Variants in TRIP11 observed in about 807,000 individuals in gnomAD.
TRIP11 encodes thyroid hormone receptor interactor 11.
TRIP11 carries 148 observed loss-of-function variants against 223.1 expected under a neutral mutation model. The observed-to-expected ratio is 0.66, with a 90% CI of 0.58 to 0.76. The LOEUF (loss-of-function observed/expected upper bound fraction) is 0.76, where lower values mean the gene tolerates loss of function less well. Among genes scored for constraint, TRIP11 ranks in the 30% least tolerant of loss-of-function variants. The pLI, the probability that TRIP11 is intolerant of heterozygous loss-of-function variation, is 0.00. For missense variants in TRIP11, 2,043 were observed against 2,222.0 expected, an observed-to-expected ratio of 0.92 and a Z score of 1.62; for synonymous variants, 762 against 772.6, an observed-to-expected ratio of 0.99 and a Z score of 0.23.
chr14:92,038,133 A>G (rs1471201467), intron 1 of TRIP11, among the ~76,000 whole-genome samples: 1 of 152,182 alleles, frequency 6.6e-6, no homozygotes, highest in Non-Finnish European at 1.5e-5. Context: ...AAAAGACATA[A>G]AACAAGGACA....
At chr14:92,033,079 A>G in intron 2 of TRIP11, 113 bp downstream of exon 2, 1 of 780,084 alleles carries the variant, frequency 1.3e-6, no homozygotes, top group Non-Finnish European at 2.2e-6. Flanking sequence ...ATTAAACAAG[A>G]AGAGAAAAAA....
intron 15 of TRIP11, among the ~76,000 whole-genome samples, chr14:91,991,200 G>C (rs2056667553): frequency 6.6e-6 from 1 of 152,136 alleles, no homozygotes; most frequent in Admixed American, 6.5e-5. Flanking sequence ...TCATAATCAA[G>C]GAAGTAGGTT....
intron 6 of TRIP11, among the ~76,000 whole-genome samples, chr14:92,015,205 C>T (rs1322918804): frequency 6.6e-6 from 1 of 152,110 alleles, no homozygotes; most frequent in Non-Finnish European, 1.5e-5. Context: ...CTCCCGGCCA[C>T]AGAATCTTAA....
At chr14:92,026,588 C>A (rs1204034130) in intron 2 of TRIP11, 12 of 1,282,506 alleles carry the variant, frequency 9.4e-6, no homozygotes, top group African/African-American at 1.5e-5. Context: ...GCCGTGGACA[C>A]CAGCTCCGAA....
chr14:92,035,950 T>C (rs2057321535), intron 1 of TRIP11, among the ~76,000 whole-genome samples: 1 of 152,148 alleles, frequency 6.6e-6, no homozygotes, highest in South Asian at 2.1e-4. Flanking sequence ...TCAAAACCCA[T>C]CCTGGGCCAC....
Position 92,003,812 on chromosome 14 carries a change from GTGTT to G in TRIP11, c.4160_4163del (p.Glu1387AlafsTer11). ...GCTTGATTTCTGAATCGGTTTGTTC[GTGTT>G]CTTTTCTTTCTAGCTCTGAGGTGGC... On this transcript the variant is annotated frameshift_variant, in exon 11 of 21. Coordinates refer to ENST00000267622, the MANE Select transcript of TRIP11 (RefSeq NM_004239.4). LOFTEE classifies it high-confidence loss of function. 1.9e-6 allele frequency: 3 copies of G among 1,614,066 alleles called. No homozygotes were observed. Among genetic ancestry groups the G allele is most frequent in the Non-Finnish European group, 2.5e-6 (3 of 1,180,022 alleles).
intron 13 of TRIP11, among the ~76,000 whole-genome samples, chr14:91,996,319 G>T (rs1391417919): frequency 1.3e-5 from 2 of 152,212 alleles, no homozygotes; most frequent in African/African-American, 2.4e-5. Context: ...CTGTGAAAGT[G>T]ACTTTGAACA....
intron 15 of TRIP11, among the ~76,000 whole-genome samples, chr14:91,992,892 GA>G (rs1214096302): frequency 9.4e-6 from 1 of 106,732 alleles, no homozygotes; most frequent in Non-Finnish European, 1.7e-5. Context: ...ATGGGCAACA[GA>G]GCGAGACTCC....
chr14:91,974,395 T>G (rs74071674), intron 19 of TRIP11, among the ~76,000 whole-genome samples: 2 of 152,170 alleles, frequency 1.3e-5, no homozygotes, highest in African/African-American at 4.8e-5. Context: ...AGTTAATATT[T>G]TGAAAAATAA....
chr14:92,032,832 C>A (rs201345463), intron 2 of TRIP11, among the ~76,000 whole-genome samples: 4,684 of 72,306 alleles, frequency 0.065, 51 homozygotes, highest in South Asian at 0.15. Flanking sequence ...GACCCCGTTT[C>A]AAAAAAAAAA....
intron 5 of TRIP11, among the ~76,000 whole-genome samples, chr14:92,016,842 T>C (rs1156383840): frequency 6.6e-6 from 1 of 152,168 alleles, no homozygotes; most frequent in East Asian, 1.9e-4. Context: ...CCGGATTCTA[T>C]CCACTCTAGT....
chr14:92,004,918 T>C lies in TRIP11; in HGVS notation c.3058A>G (p.Arg1020Gly). 6.2e-7 allele frequency: 1 copy of C among 1,613,984 alleles called. No individual in the cohort carries two copies. The highest frequency in any genetic ancestry group is 1.1e-5 in the South Asian group (1 of 91,068). The change falls in exon 11 of 21, where the codon AGA becomes GGA. Residue 1020 changes from arginine (R) to glycine (G), a missense_variant. By Grantham distance (125) the Arg-to-Gly change is moderately radical (BLOSUM62 -2). Transcript: ENST00000267622. Reference protein sequence around the residue: ...KHDLSKAETERLVKGIKEREL... With the variant: ...KHDLSKAETEGLVKGIKEREL... Reference sequence around the variant, plus strand: ...CGCTCTTTTATTCCTTTCACTAATCTTTCCGTTTCAGCTTTAGATAAATCA... The same window carrying C: ...CGCTCTTTTATTCCTTTCACTAATCCTTCCGTTTCAGCTTTAGATAAATCA...
At chr14:92,026,468 G>A (rs552897358) in intron 2 of TRIP11, 24 of 747,846 alleles carry the variant, frequency 3.2e-5, no homozygotes, top group African/African-American at 1.4e-4. Flanking sequence ...TTCCTCGTCC[G>A]CCTCCTTGCT....
At chr14:91,988,475 T>C (rs942449893) in intron 15 of TRIP11, 92 bp from the exon 16 acceptor site, 7 of 1,123,868 alleles carry the variant, frequency 6.2e-6, no homozygotes, top group South Asian at 2.6e-5. Context: ...CCTCTACATT[T>C]CAGCTGGTGA....
chr14:91,966,415 A>G lies in TRIP11; in HGVS notation c.*3258T>C, dbSNP rs1297565093. 5.3e-6 allele frequency: 1 copy of G among 188,100 alleles called. No homozygotes were observed. The highest frequency in any genetic ancestry group is 1.1e-5 in the Non-Finnish European group (1 of 89,402). The allele number at this position is 188,100 out of a possible 1,614,324, so 11.7% of individuals were successfully genotyped here. A position where few individuals can be genotyped will look rare whatever the true frequency, so the allele number is the denominator to read the frequency against. ...TGTCTTGAATACTTCAATATGTGGA[A>G]AACTTCATTATCTTTAAATATCAGG... is the stretch of plus-strand genomic sequence containing the variant. On this transcript the variant is annotated 3_prime_UTR_variant, in exon 21 of 21. Coordinates refer to ENST00000267622, the MANE Select transcript of TRIP11 (RefSeq NM_004239.4).
chr14:91,977,249 C>A (rs1372090806), intron 16 of TRIP11: 1 of 453,422 alleles, frequency 2.2e-6, no homozygotes, highest in African/African-American at 2.0e-5. Flanking sequence ...TTGATGATAT[C>A]TTTTGAAACA....
Position 92,005,444 on chromosome 14 carries a change from T to TA in TRIP11, c.2531dup (p.Leu844PhefsTer20). On this transcript the variant is annotated frameshift_variant, in exon 11 of 21. Coordinates refer to ENST00000267622, the MANE Select transcript of TRIP11 (RefSeq NM_004239.4). LOFTEE classifies it high-confidence loss of function. ...GGTCTTTTTCCTCTATGGTCTGTCTTAAAATTTCATTTTTTCTTAAGGCCT... is the reference window on the plus strand; with the variant it reads ...GGTCTTTTTCCTCTATGGTCTGTCTTAAAAATTTCATTTTTTCTTAAGGCCT... 6.2e-7 allele frequency: 1 copy of TA among 1,614,134 alleles called. No individual in the cohort carries two copies. Among genetic ancestry groups the TA allele is most frequent in the Non-Finnish European group, 8.5e-7 (1 of 1,180,034 alleles).
chr14:92,008,731 A>G (rs961225407), intron 9 of TRIP11, among the ~76,000 whole-genome samples: 2 of 152,140 alleles, frequency 1.3e-5, no homozygotes, highest in African/African-American at 4.8e-5. Flanking sequence ...GCATGATGGC[A>G]TTTATCTATA....
At chr14:91,990,968 T>C (rs909905547) in intron 15 of TRIP11, among the ~76,000 whole-genome samples, 2 of 152,204 alleles carry the variant, frequency 1.3e-5, no homozygotes, top group African/African-American at 4.8e-5. Flanking sequence ...TCAATAAACA[T>C]ATTAAAAGAT....
Sources: gnomAD v4.1 joint callset for allele counts (sites outside exome capture counted in the v4.1 genomes callset) on GRCh38, gnomAD v4.1.1 for gene constraint, MANE v1.5 for transcripts, NCBI Gene and HGNC (gene_info 2026-07-23, HGNC 2026-07-21) for gene names.